The following HDAC11 variants were observed in gnomAD, a reference collection of about 807,000 sequenced individuals.
The protein encoded by HDAC11 is histone deacetylase 11.
In HDAC11, 23 loss-of-function variants were observed where a neutral mutation model predicts 41.1. The observed-to-expected ratio is 0.56, with a 90% CI of 0.40 to 0.79. The LOEUF (loss-of-function observed/expected upper bound fraction) is 0.79, where lower values mean the gene tolerates loss of function less well. Among genes scored for constraint, HDAC11 ranks in the 30% least tolerant of loss-of-function variants. The pLI, the probability that HDAC11 is intolerant of heterozygous loss-of-function variation, is 0.00. For synonymous variants in HDAC11, 187 were observed against 186.6 expected, an observed-to-expected ratio of 1.00 and a Z score of -0.02; for missense variants, 402 against 477.3, an observed-to-expected ratio of 0.84 and a Z score of 1.47.
chr3:13,503,547 A>G (rs192889833), intron 8 of HDAC11, among the ~76,000 whole-genome samples: 65 of 152,392 alleles, frequency 4.3e-4, no homozygotes, highest in African/African-American at 1.4e-3. Context: ...TTGGGCAACA[A>G]GAGCGAAACT....
Position 13,504,198 on chromosome 3 carries a change from G to A in HDAC11, c.754G>A (p.Asp252Asn), listed in dbSNP as rs1178840571. 15 of 1,613,970 alleles carry A rather than the reference G, an allele frequency of 9.3e-6. No individual in the cohort carries two copies. Among genetic ancestry groups the A allele is most frequent in the South Asian group, 2.2e-5 (2 of 91,078 alleles). ...GAAATCCCTCCAGGAGCACCTGCCC[G>A]ACGTGGTGGTATACAATGCAGGCAC... The part of the protein sequence containing the change: ...IKKSLQEHLP[D>N]VVVYNAGTDI... The change falls in exon 9 of 10, where the codon GAC becomes AAC. Residue 252 changes from aspartate (D) to asparagine (N), a missense_variant. Coordinates refer to ENST00000295757, the MANE Select transcript of HDAC11 (RefSeq NM_024827.4).
intron 5 of HDAC11, among the ~76,000 whole-genome samples, chr3:13,499,871 C>T (rs1248568341): frequency 6.6e-6 from 1 of 152,164 alleles, no homozygotes; most frequent in East Asian, 1.9e-4. Context: ...CTGATCCACC[C>T]TGGGTTTGAT....
In HDAC11 at chr3:13,496,807, G is replaced by A. The variant is rs746054022; in HGVS notation, c.324G>A (p.Arg108=). 3 of 1,575,846 alleles carry A rather than the reference G, an allele frequency of 1.9e-6. No homozygotes were observed. In the Admixed American group the frequency reaches 5.2e-5, roughly 27 times the overall value. Residue 108 remains arginine (R), a synonymous_variant, in exon 4 of 10, where the codon AGG becomes AGA. Transcript: ENST00000295757. ...VIFLPNFLVQ[R]KVLRPLRTQT... ...TCCTCCCCAACTTCCTTGTGCAGAG[G>A]AAGGTGCTGAGGCCCCTTCGGACCC...
chr3:13,497,980 C>T (rs1229933832), intron 4 of HDAC11, among the ~76,000 whole-genome samples: 1 of 151,202 alleles, frequency 6.6e-6, no homozygotes, highest in African/African-American at 2.4e-5. Flanking sequence ...CTCAGCCTCC[C>T]GAGTAGCTGG....
At chr3:13,484,699 C>A (rs1214674805) in intron 3 of HDAC11, among the ~76,000 whole-genome samples, 3 of 152,196 alleles carry the variant, frequency 2.0e-5, no homozygotes, top group African/African-American at 4.8e-5. Context: ...GCCCTGATTT[C>A]TTAATGTGGC....
chr3:13,503,717 G>A (rs1178508200), intron 8 of HDAC11, among the ~76,000 whole-genome samples: 1 of 152,246 alleles, frequency 6.6e-6, no homozygotes, highest in African/African-American at 2.4e-5. Flanking sequence ...TGAGTCTGGT[G>A]TGGATAAGTC....
rs1386530160 is a variant in HDAC11, at chr3:13,504,919, G to A, written c.*236G>A. 7 of 585,492 alleles carry A rather than the reference G, an allele frequency of 1.2e-5. No individual in the cohort carries two copies. Among genetic ancestry groups the A allele is most frequent in the African/African-American group, 7.5e-5 (4 of 53,598 alleles). The allele number at this position is 585,492 out of a possible 1,614,324, so 36.3% of individuals were successfully genotyped here. ...GCCTGTGTCCCAGGGGGACCCACAC[G>A]AAGTCACCAGCCCATAGGTCCAGGG... On this transcript the variant is annotated 3_prime_UTR_variant, in exon 10 of 10. Coordinates refer to ENST00000295757, the MANE Select transcript of HDAC11 (RefSeq NM_024827.4).
At chr3:13,501,684 C>A (rs1418129423) in intron 6 of HDAC11, 187 bp from the exon 7 acceptor site, 1 of 717,878 alleles carries the variant, frequency 1.4e-6, no homozygotes, top group Non-Finnish European at 2.6e-6. Flanking sequence ...CTCCTGCATG[C>A]ACACATGGAG....
chr3:13,483,596 C>A (rs1042118045), intron 3 of HDAC11, 32 bp downstream of exon 3: 1 of 1,571,808 alleles, frequency 6.4e-7, no homozygotes. Context: ...GGGCTGCGGG[C>A]CTGGGGCAGG....
At chr3:13,491,065 T>C (rs969093316) in intron 3 of HDAC11, among the ~76,000 whole-genome samples, 2 of 134,576 alleles carry the variant, frequency 1.5e-5, no homozygotes, top group African/African-American at 5.6e-5. Context: ...TTAGCTTTAA[T>C]AGTTGTGTGT....
At chr3:13,484,118 T>A (rs1017724429) in intron 3 of HDAC11, among the ~76,000 whole-genome samples, 1 of 152,068 alleles carries the variant, frequency 6.6e-6, no homozygotes, top group African/African-American at 2.4e-5. Flanking sequence ...CGTGCCACCA[T>A]GCCTGGCTAA....
chr3:13,500,217 A>G (rs1702292122), intron 5 of HDAC11, among the ~76,000 whole-genome samples: 1 of 152,012 alleles, frequency 6.6e-6, no homozygotes, highest in Non-Finnish European at 1.5e-5. Context: ...GGGGGTATCT[A>G]TGGGCCCTAG....
intron 3 of HDAC11, among the ~76,000 whole-genome samples, chr3:13,488,997 C>G (rs1701725497): frequency 6.6e-6 from 1 of 152,056 alleles, no homozygotes. Flanking sequence ...TTGCATTTAC[C>G]TAATGGCTAA....
At position 13,494,885 on chromosome 3, in the gene HDAC11, G is replaced by A. The variant is rs1175962821; in HGVS notation, c.253-1851G>A. Among the ~76,000 whole-genome samples, 4 of 152,044 alleles carry A rather than the reference G, an allele frequency of 2.6e-5. 1 individual carries two copies. Among genetic ancestry groups the A allele is most frequent in the Admixed American group, 2.6e-4 (4 of 15,282 alleles). On this transcript the variant is annotated intron_variant, in intron 3 of 9. Coordinates refer to ENST00000295757, the MANE Select transcript of HDAC11 (RefSeq NM_024827.4). ...TGGGGCCTGACTTAGGGTGTGTCCT[G>A]CCTTTTGTCCGGCCCTGAGTGGCCT...
chr3:13,503,060 C>T, intron 8 of HDAC11, 80 bp downstream of exon 8: 1 of 1,074,504 alleles, frequency 9.3e-7, no homozygotes, highest in South Asian at 1.3e-5. Flanking sequence ...GTCTGCTAGG[C>T]CCTGCAGAAG....
chr3:13,500,202 G>A (rs183846827), intron 5 of HDAC11, among the ~76,000 whole-genome samples: 360 of 152,244 alleles, frequency 2.4e-3, no homozygotes, highest in African/African-American at 8.3e-3. Context: ...AGGGGCTGCA[G>A]GGGAGGGGGT....
chr3:13,482,932 G>T (rs1279120475), intron 2 of HDAC11, among the ~76,000 whole-genome samples: 2 of 152,078 alleles, frequency 1.3e-5, no homozygotes, highest in Non-Finnish European at 2.9e-5. Context: ...TTGATATTTT[G>T]TAGAGATGCG....
chr3:13,504,452 C>T lies in HDAC11; in HGVS notation c.829-16C>T, dbSNP rs749642814. ...GGGTCTGGCCTGCCTGAGTCACCCT[C>T]CTCTTCCCCTAACAGGGCATCGTGA... On this transcript the variant is annotated splice_polypyrimidine_tract_variant and intron_variant, in intron 9 of 9. Coordinates refer to ENST00000295757, the MANE Select transcript of HDAC11 (RefSeq NM_024827.4). 4 of 1,612,578 alleles carry T rather than the reference C, an allele frequency of 2.5e-6. No homozygotes were observed. The highest frequency in any genetic ancestry group is 2.5e-6 in the Non-Finnish European group (3 of 1,179,812).
chr3:13,485,350 G>T (rs947713449), intron 3 of HDAC11, among the ~76,000 whole-genome samples: 1 of 152,226 alleles, frequency 6.6e-6, no homozygotes, highest in Non-Finnish European at 1.5e-5. Flanking sequence ...GTTTCCTGGG[G>T]CCCAGGCATG....
Sources: allele counts gnomAD v4.1 joint callset (sites outside exome capture counted in the v4.1 genomes callset), GRCh38; gene constraint gnomAD v4.1.1; transcripts MANE v1.5; gene names NCBI Gene and HGNC (gene_info 2026-07-23, HGNC 2026-07-21).